Variants in OGDH observed in about 807,000 individuals in gnomAD.
OGDH encodes oxoglutarate dehydrogenase.
In OGDH, 38 loss-of-function variants were observed where a neutral mutation model predicts 116.6. That is an observed-to-expected ratio of 0.33 (90% CI 0.25 to 0.43). The LOEUF (loss-of-function observed/expected upper bound fraction) is 0.43, where lower values mean the gene tolerates loss of function less well. Among genes scored for constraint, OGDH ranks in the 20% least tolerant of loss-of-function variants. The probability of loss-of-function intolerance (pLI) is 1.00; values close to 1 mark genes in which losing one functional copy is unlikely to be tolerated. For synonymous variants in OGDH, 488 were observed against 533.3 expected (o/e 0.92, Z 1.17); for missense variants, 825 against 1,357.2 (o/e 0.61, Z 6.16).
Position 44,669,145 on chromosome 7 carries a change from C to CTTTTTTTTTTTTTTTTTTTTTTTT in OGDH, c.633+2296_633+2319dup, listed in dbSNP as rs869250474. ...GAGTCCCCTGTGGGGAGCCCGGCAG[C>CTTTTTTTTTTTTTTTTTTTTTTTT]TTTTTTTTTTTTTTTTTTTTTTTTT... On this transcript the variant is annotated intron_variant, in intron 5 of 22. Transcript: ENST00000222673. Among the ~76,000 whole-genome samples the CTTTTTTTTTTTTTTTTTTTTTTTT allele has an allele frequency of 2.2e-4, 17 of 77,806 alleles. 1 individual carries two copies. Among genetic ancestry groups the CTTTTTTTTTTTTTTTTTTTTTTTT allele is most frequent in the African/African-American group, 5.1e-4 (7 of 13,674 alleles). The allele number at this position is 77,806 out of a possible 152,430, so 51.0% of individuals were successfully genotyped here. A position where few individuals can be genotyped will look rare whatever the true frequency, so the allele number is the denominator to read the frequency against.
intron 19 of OGDH, among the ~76,000 whole-genome samples, chr7:44,700,926 G>A (rs1443658658): frequency 1.3e-5 from 2 of 152,180 alleles, no homozygotes; most frequent in African/African-American, 2.4e-5. Flanking sequence ...TGAGGCAGGA[G>A]AATAGGAGAA....
chr7:44,664,100 C>G (rs1013344782), intron 4 of OGDH, among the ~76,000 whole-genome samples: 2 of 152,042 alleles, frequency 1.3e-5, no homozygotes, highest in Non-Finnish European at 2.9e-5. Flanking sequence ...TTATTGAAAC[C>G]AGGACATTTT....
intron 1 of OGDH, among the ~76,000 whole-genome samples, chr7:44,610,357 C>G (rs1164224749): frequency 1.3e-5 from 2 of 152,080 alleles, no homozygotes; most frequent in African/African-American, 4.8e-5. Flanking sequence ...GTCCCCCAGG[C>G]TGGAGTGCAG....
intron 20 of OGDH, among the ~76,000 whole-genome samples, chr7:44,702,041 A>T (rs112165603): frequency 0.022 from 3,361 of 151,450 alleles, 118 homozygotes; most frequent in African/African-American, 0.078. Flanking sequence ...ATTGCACTCC[A>T]GCCTGGGCAA....
At chr7:44,648,771 A>G (rs1175894943) in intron 4 of OGDH, among the ~76,000 whole-genome samples, 5 of 152,140 alleles carry the variant, frequency 3.3e-5, no homozygotes, top group Admixed American at 6.5e-5. Flanking sequence ...ATGGTTTGTA[A>G]TTGTTTTTTT....
chr7:44,651,417 A>C (rs1213658489), intron 4 of OGDH, among the ~76,000 whole-genome samples: 1 of 152,050 alleles, frequency 6.6e-6, no homozygotes, highest in Non-Finnish European at 1.5e-5. Context: ...CAGACACAGA[A>C]CTCCACAGTA....
At chr7:44,651,168 G>A (rs558752357) in intron 4 of OGDH, among the ~76,000 whole-genome samples, 1 of 152,250 alleles carries the variant, frequency 6.6e-6, no homozygotes. Context: ...TGAGCACCTG[G>A]GTGGTTGGCC....
chr7:44,688,787 G>A (rs988576701), intron 10 of OGDH, among the ~76,000 whole-genome samples: 25 of 151,796 alleles, frequency 1.6e-4, no homozygotes, highest in African/African-American at 5.8e-4. Flanking sequence ...TCCTCTCTGT[G>A]GCCCAGGCTG....
intron 9 of OGDH, 107 bp downstream of exon 9, chr7:44,676,256 A>T: frequency 6.3e-7 from 1 of 1,589,802 alleles, no homozygotes; most frequent in Non-Finnish European, 8.6e-7. Context: ...TCTAGACTTT[A>T]AAAAAATATT....
chr7:44,645,033 A>G (rs1182104769), intron 2 of OGDH, among the ~76,000 whole-genome samples: 2 of 152,176 alleles, frequency 1.3e-5, no homozygotes, highest in Non-Finnish European at 2.9e-5. Flanking sequence ...AGCTGTTGGC[A>G]TTGGGCCTTT....
intron 2 of OGDH, among the ~76,000 whole-genome samples, chr7:44,631,255 G>A (rs76446485): frequency 0.019 from 2,902 of 152,284 alleles, 37 homozygotes; most frequent in Middle Eastern, 0.044. Context: ...TACGTAAATG[G>A]GGTTTCAGCG....
Position 44,697,442 on chromosome 7 carries a change from C to T in OGDH, c.2124C>T (p.Pro708=). 1 of 1,614,208 alleles carries T rather than the reference C, an allele frequency of 6.2e-7. No individual in the cohort carries two copies. Among genetic ancestry groups the T allele is most frequent in the Non-Finnish European group, 8.5e-7 (1 of 1,180,034 alleles). The change falls in exon 16 of 23, where the codon CCC becomes CCT. Residue 708 remains proline (P), a synonymous_variant. Coordinates refer to ENST00000222673, the MANE Select transcript of OGDH (RefSeq NM_002541.4). The surrounding 1 kb of genome is among the most constrained non-coding windows in gnomAD (Gnocchi z 6.0). ...GCATCCCCATGAACCATCTCTGGCC[C>T]AATCAGGCCCCCTATACTGTGTGCA... The part of the protein sequence containing the change: ...RTCIPMNHLW[P]NQAPYTVCNS...
In OGDH at chr7:44,696,567, T is replaced by G. The variant is rs1197440707; in HGVS notation, c.1900+10T>G. ...TTTACTATTCATGGAGGTAACACGC[T>G]CTGTGCTGACCTGTGGAAATGTTGG... On this transcript the variant is annotated intron_variant, in intron 14 of 22. Coordinates refer to ENST00000222673, the MANE Select transcript of OGDH (RefSeq NM_002541.4). 1 of 1,614,158 alleles carries G rather than the reference T, an allele frequency of 6.2e-7. No individual in the cohort carries two copies. The highest frequency in any genetic ancestry group is 1.7e-5 in the Admixed American group (1 of 60,016).
chr7:44,675,167 A>G lies in OGDH; in HGVS notation c.936-11A>G, dbSNP rs755671134. On this transcript the variant is annotated splice_polypyrimidine_tract_variant and intron_variant, in intron 7 of 22. Transcript: ENST00000222673. ...CAGGCTCTGCTCACCCTACTCGCCC[A>G]TACGTTCCAGAGGGCGGCTGAACGT... 5 of 1,612,326 alleles carry G rather than the reference A, an allele frequency of 3.1e-6. No individual in the cohort carries two copies. Among genetic ancestry groups the G allele is most frequent in the East Asian group, 2.2e-5 (1 of 44,858 alleles).
chr7:44,674,745 G>A (rs1339387749), intron 7 of OGDH, 188 bp downstream of exon 7: 16 of 636,702 alleles, frequency 2.5e-5, no homozygotes, highest in Admixed American at 1.2e-4. Flanking sequence ...CTGGAGGACT[G>A]CAAAGTCATG....
chr7:44,611,480 T>G (rs527240774), intron 1 of OGDH, among the ~76,000 whole-genome samples: 2 of 152,142 alleles, frequency 1.3e-5, no homozygotes, highest in Admixed American at 6.6e-5. Flanking sequence ...TTTCACTGTG[T>G]TACCCAGGAT....
chr7:44,672,098 A>T lies in OGDH; in HGVS notation c.634-1689A>T, dbSNP rs896935173. On this transcript the variant is annotated intron_variant, in intron 5 of 22. Transcript: ENST00000222673. ...ATAAATAAATTAATTAATTAATTAA[A>T]AAAAAAACCTTAAATACTAGGGTCT... 3.9e-5 allele frequency among the ~76,000 whole-genome samples: 6 copies of T among 152,114 alleles called. 1 individual carries two copies. The highest frequency in any genetic ancestry group is 7.4e-5 in the Non-Finnish European group (5 of 68,010).
At chr7:44,658,916 ACCT>A (rs1198718471) in intron 4 of OGDH, among the ~76,000 whole-genome samples, 19 of 151,982 alleles carry the variant, frequency 1.3e-4, no homozygotes, top group African/African-American at 4.3e-4. Flanking sequence ...GCTCACTGCA[ACCT>A]CCACCTCCCA....
intron 9 of OGDH, among the ~76,000 whole-genome samples, chr7:44,676,970 A>G (rs1205021165): frequency 6.6e-6 from 1 of 152,158 alleles, no homozygotes; most frequent in Non-Finnish European, 1.5e-5. Context: ...GACTGCAGGC[A>G]GGTGGGGTCC....
Sources: allele counts gnomAD v4.1 joint callset (sites outside exome capture counted in the v4.1 genomes callset), GRCh38; gene constraint gnomAD v4.1.1; non-coding constraint Gnocchi (gnomAD v3.1); transcripts MANE v1.5; gene names NCBI Gene and HGNC (gene_info 2026-07-23, HGNC 2026-07-21).